NEDD8: variants seen among roughly 807,000 people sequenced by gnomAD.
The protein encoded by NEDD8 is ubiquitin-like protein NEDD8.
NEDD8 carries 1 observed loss-of-function variant against 13.8 expected under a neutral mutation model. The ratio of observed to expected loss-of-function variants is 0.07; its 90% confidence interval spans 0.03 to 0.34. The LOEUF is 0.34. Ranked by LOEUF, NEDD8 falls within the 10% of genes least tolerant of loss-of-function variation. The probability of loss-of-function intolerance (pLI) is 0.99; values close to 1 mark genes in which losing one functional copy is unlikely to be tolerated. For missense variants in NEDD8, 10 were observed against 95.2 expected (o/e 0.10, Z 3.73); for synonymous variants, 31 against 33.2 (o/e 0.93, Z 0.23).
chr14:24,231,417 A>G (rs2138919196), intron 1 of NEDD8, among the ~76,000 whole-genome samples: 1 of 140,680 alleles, frequency 7.1e-6, no homozygotes, highest in East Asian at 2.2e-4. Context: ...AAATAACGAT[A>G]GATTTACTTA....
chr14:24,226,445 C>CAA (rs34325177), intron 1 of NEDD8, among the ~76,000 whole-genome samples: 1 of 109,296 alleles, frequency 9.1e-6, no homozygotes, highest in Non-Finnish European at 2.0e-5. Context: ...GACTCCATCT[C>CAA]AAAAAAAAAA....
At position 24,230,316 on chromosome 14, in the gene NEDD8, C is replaced by T. The variant is rs1177391010; in HGVS notation, c.18+1934G>A. 2.8e-5 allele frequency among the ~76,000 whole-genome samples: 4 copies of T among 145,050 alleles called. No homozygotes were observed. The East Asian group carries it at 8.4e-4, about 30-fold the overall frequency. On this transcript the variant is annotated intron_variant, in intron 1 of 3. Coordinates refer to ENST00000250495, the MANE Select transcript of NEDD8 (RefSeq NM_006156.3). Reference sequence around the variant, plus strand: ...TTGGGAGGCAGAGGCGGGCGGATCACGAGGTCAGGAGATCGAGACCATCCT... The same window carrying T: ...TTGGGAGGCAGAGGCGGGCGGATCATGAGGTCAGGAGATCGAGACCATCCT...
At chr14:24,227,091 T>C (rs1002620683) in intron 1 of NEDD8, 4 of 152,214 alleles carry the variant, frequency 2.6e-5, no homozygotes, top group African/African-American at 9.6e-5. Context: ...AATAATTCCA[T>C]TTATATAAAG....
At chr14:24,223,140 G>A (rs2039835365) in intron 1 of NEDD8, among the ~76,000 whole-genome samples, 1 of 149,382 alleles carries the variant, frequency 6.7e-6, no homozygotes, top group South Asian at 2.1e-4. Context: ...GGTAGCATAT[G>A]CCTGTAATCT....
At chr14:24,220,873 A>G (rs1360326230) in intron 1 of NEDD8, among the ~76,000 whole-genome samples, 1 of 152,222 alleles carries the variant, frequency 6.6e-6, no homozygotes, top group South Asian at 2.1e-4. Flanking sequence ...TTGGGACCCA[A>G]TGTACACTCC....
At chr14:24,225,054 G>C (rs573828599) in intron 1 of NEDD8, among the ~76,000 whole-genome samples, 1 of 151,784 alleles carries the variant, frequency 6.6e-6, no homozygotes. Context: ...AGCTACTCAA[G>C]AGGCTGAGGC....
chr14:24,224,105 T>A (rs1410743219), intron 1 of NEDD8, among the ~76,000 whole-genome samples: 1 of 151,924 alleles, frequency 6.6e-6, no homozygotes, highest in Non-Finnish European at 1.5e-5. Flanking sequence ...ATTTTTTGTA[T>A]TTTTTAGTAG....
intron 1 of NEDD8, among the ~76,000 whole-genome samples, chr14:24,224,140 A>G (rs1472740855): frequency 6.6e-6 from 1 of 152,198 alleles, no homozygotes; most frequent in South Asian, 2.1e-4. Flanking sequence ...TGTGTTAGCC[A>G]GGATGGTCTC....
intron 1 of NEDD8, among the ~76,000 whole-genome samples, chr14:24,229,371 C>A (rs1383005198): frequency 6.6e-6 from 1 of 152,056 alleles, no homozygotes; most frequent in Non-Finnish European, 1.5e-5. Context: ...AGGTGTGTGC[C>A]ACCACACTCG....
intron 1 of NEDD8, chr14:24,218,727 A>G: frequency 2.1e-6 from 1 of 482,674 alleles, no homozygotes; most frequent in Non-Finnish European, 3.7e-6. Flanking sequence ...ATTATTTTAG[A>G]TGATACGGCA....
rs1282800782 is a variant in NEDD8, at chr14:24,217,062, A to C, written c.*65T>G. On this transcript the variant is annotated 3_prime_UTR_variant, in exon 4 of 4. Transcript: ENST00000250495. The stretch of plus-strand genomic sequence containing the variant: ...GGGGGCAGTGGCTATGGTGTCCCAG[A>C]GAGTGAGAGGATATATGATGCCTCA... 36 of 1,316,144 alleles carry C rather than the reference A, an allele frequency of 2.7e-5. No individual in the cohort carries two copies. The highest frequency in any genetic ancestry group is 3.5e-5 in the Non-Finnish European group (33 of 930,038). The allele number at this position is 1,316,144 out of a possible 1,614,324, so 81.5% of individuals were successfully genotyped here.
intron 1 of NEDD8, among the ~76,000 whole-genome samples, chr14:24,231,006 C>T (rs1280965678): frequency 1.3e-5 from 2 of 152,072 alleles, no homozygotes; most frequent in East Asian, 1.9e-4. Flanking sequence ...CCTCCCATCT[C>T]GGCCTCCCGA....
chr14:24,228,719 C>CAAAAAAAAAAAAAAAAAAAAAAAAAAA (rs11305549), intron 1 of NEDD8: 1 of 69,800 alleles, frequency 1.4e-5, no homozygotes. Flanking sequence ...GAACCTGTCT[C>CAAAAAAAAAAAAAAAAAAAAAAAAAAA]AAAAAAAAAA....
chr14:24,221,361 A>G (rs1251436426), intron 1 of NEDD8, among the ~76,000 whole-genome samples: 4 of 148,890 alleles, frequency 2.7e-5, no homozygotes, highest in Non-Finnish European at 5.9e-5. Flanking sequence ...GGCTCACCGC[A>G]GCCTCGACAT....
chr14:24,231,499 G>A (rs1466635654), intron 1 of NEDD8, among the ~76,000 whole-genome samples: 1 of 150,960 alleles, frequency 6.6e-6, no homozygotes, highest in Non-Finnish European at 1.5e-5. Flanking sequence ...GGGCGTGGGG[G>A]GGGGGGTCTC....
At chr14:24,228,698 C>T (rs1177823343) in intron 1 of NEDD8, 9 of 111,742 alleles carry the variant, frequency 8.1e-5, no homozygotes, top group African/African-American at 2.5e-4. Context: ...TAAGCCTGGG[C>T]GACAGAGTGA....
intron 1 of NEDD8, among the ~76,000 whole-genome samples, chr14:24,219,610 AAGT>A (rs2039768217): frequency 6.6e-6 from 1 of 152,036 alleles, no homozygotes; most frequent in African/African-American, 2.4e-5. Context: ...CTTCTTCCGT[AAGT>A]TAAGGGCTGG....
chr14:24,228,193 A>G (rs1278526632), intron 1 of NEDD8: 1 of 152,132 alleles, frequency 6.6e-6, no homozygotes, highest in African/African-American at 2.4e-5. Flanking sequence ...CAGGCGTTCA[A>G]GACCAGCCTG....
intron 1 of NEDD8, among the ~76,000 whole-genome samples, chr14:24,230,789 T>C (rs1009074748): frequency 1.3e-5 from 2 of 151,932 alleles, no homozygotes; most frequent in Admixed American, 1.3e-4. Context: ...GGCTAGTTTT[T>C]GTATTGTTAG....
Sources: allele counts gnomAD v4.1 joint callset (sites outside exome capture counted in the v4.1 genomes callset), GRCh38; gene constraint gnomAD v4.1.1; transcripts MANE v1.5; gene names NCBI Gene and HGNC (gene_info 2026-07-23, HGNC 2026-07-21).